Variants in WDHD1 observed in about 807,000 individuals in gnomAD.
The protein encoded by WDHD1 is WD repeat and HMG-box DNA-binding protein 1.
In WDHD1, 111 loss-of-function variants were observed where a neutral mutation model predicts 135.4. The ratio of observed to expected loss-of-function variants is 0.82; its 90% CI spans 0.70 to 0.96. The LOEUF (loss-of-function observed/expected upper bound fraction) is 0.96. Among genes scored for constraint, WDHD1 ranks in the 40% least tolerant of loss-of-function variants. The pLI is 0.00. For missense variants in WDHD1, 1,351 were observed against 1,336.3 expected (o/e 1.01, Z -0.17); for synonymous variants, 434 against 439.0 (o/e 0.99, Z 0.14).
In WDHD1 at chr14:55,005,730, C is replaced by T. The variant is rs1382366784; in HGVS notation, c.600+1550G>A. ...AAGTTACGATGGGAATCCAGAACAACATCATAAGGATCCTTCTCTGGGTAG... is the reference window on the plus strand; with the variant it reads ...AAGTTACGATGGGAATCCAGAACAATATCATAAGGATCCTTCTCTGGGTAG... On this transcript the variant is annotated intron_variant, in intron 7 of 25. Transcript: ENST00000360586. 18 of 439,096 alleles carry T rather than the reference C, an allele frequency of 4.1e-5. No homozygotes were observed. The East Asian group carries it at 8.7e-4, about 21-fold the overall frequency. 27.2% of individuals were successfully genotyped at this position (439,096 alleles called of 1,614,324 possible). A position where few individuals can be genotyped will look rare whatever the true frequency, so the allele number is the denominator to read the frequency against.
chr14:54,971,167 A>G (rs1044516853), intron 16 of WDHD1, among the ~76,000 whole-genome samples: 1 of 152,238 alleles, frequency 6.6e-6, no homozygotes, highest in African/African-American at 2.4e-5. Flanking sequence ...CCTTCAGGAT[A>G]TTGGCCTTGG....
chr14:54,979,006 CCTT>C (rs1379337238), intron 16 of WDHD1, among the ~76,000 whole-genome samples: 2 of 151,868 alleles, frequency 1.3e-5, no homozygotes, highest in Admixed American at 6.6e-5. Context: ...TTCATTGGCT[CCTT>C]CTTTTAAATT....
intron 22 of WDHD1, 110 bp from the exon 23 acceptor site, chr14:54,957,314 T>C (rs2041177027): frequency 8.4e-7 from 1 of 1,186,628 alleles, no homozygotes; most frequent in South Asian, 1.6e-5. Flanking sequence ...CATCTCATCT[T>C]TAGAACTAAA....
Position 54,962,534 on chromosome 14 carries a change from T to C in WDHD1, c.2665A>G (p.Lys889Glu), listed in dbSNP as rs200829692. 308 of 1,610,244 alleles carry C rather than the reference T, an allele frequency of 1.9e-4. No individual in the cohort carries two copies. The highest frequency in any genetic ancestry group is 3.9e-4 in the Admixed American group (23 of 59,322). The change falls in exon 21 of 26, where the codon AAA (lysine) becomes GAA (glutamate). Residue 889 changes from lysine (K) to glutamate (E), a missense_variant. By Grantham distance (56) the Lys-to-Glu change is moderately conservative. Coordinates refer to ENST00000360586, the MANE Select transcript of WDHD1 (RefSeq NM_007086.4). ...IHKPGQNSFS[K>E]STNSSDVSAK... Reference sequence around the variant, plus strand: ...GAAACATCAGAGGAATTTGTACTTTTGGAAAACGAGTTCTGTCCTACAGAT... The same window carrying C: ...GAAACATCAGAGGAATTTGTACTTTCGGAAAACGAGTTCTGTCCTACAGAT...
At position 55,005,083 on chromosome 14, in the gene WDHD1, G is replaced by A. The variant is rs183369768; in HGVS notation, c.600+2197C>T. 1,599 of 537,668 alleles carry A rather than the reference G, an allele frequency of 3.0e-3. 4 individuals carry two copies. Among genetic ancestry groups the A allele is most frequent in the Admixed American group, 4.2e-3 (212 of 50,780 alleles). 33.3% of individuals were successfully genotyped at this position (537,668 alleles called of 1,614,324 possible). A position where few individuals can be genotyped will look rare whatever the true frequency, so the allele number is the denominator to read the frequency against. ...TGCTCTTCTTTTTCAATCTCCTCAG[G>A]AACACTGTAGAAGTAGAGATCAGGC... On this transcript the variant is annotated intron_variant, in intron 7 of 25. Coordinates refer to ENST00000360586, the MANE Select transcript of WDHD1 (RefSeq NM_007086.4).
At chr14:55,010,610 T>A (rs1487344740) in intron 3 of WDHD1, 150 bp from the exon 4 acceptor site, 1 of 724,162 alleles carries the variant, frequency 1.4e-6, no homozygotes, top group Non-Finnish European at 2.0e-6. Context: ...ACAACTTTGC[T>A]GGAATGTGCA....
In WDHD1 at chr14:54,951,447, GGAA is replaced by G. The variant is rs570122331; in HGVS notation, c.3050+4111_3050+4113del. Among the ~76,000 whole-genome samples the G allele has an allele frequency of 4.5e-4, 69 of 152,180 alleles. No individual in the cohort carries two copies. The East Asian group carries it at 0.01, about 22-fold the overall frequency. ...CACACACCCTCCCAAGACTAAACGA[GGAA>G]GAAGTTCAATCTCTGAATAGACCAA... On this transcript the variant is annotated intron_variant, in intron 24 of 25. Coordinates refer to ENST00000360586, the MANE Select transcript of WDHD1 (RefSeq NM_007086.4).
chr14:54,990,366 G>A (rs139522683), intron 12 of WDHD1, among the ~76,000 whole-genome samples: 2,917 of 152,224 alleles, frequency 0.019, 71 homozygotes, highest in African/African-American at 0.058. Context: ...GGGAGGCCTA[G>A]GCAGGCGGAT....
At chr14:55,015,822 C>G (rs1208183421) in intron 2 of WDHD1, among the ~76,000 whole-genome samples, 5 of 152,114 alleles carry the variant, frequency 3.3e-5, no homozygotes. Flanking sequence ...CCTCAGCCTC[C>G]CAAGTAGCTG....
chr14:54,991,161 GA>G, intron 12 of WDHD1, 51 bp downstream of exon 12: 1 of 1,023,900 alleles, frequency 9.8e-7, no homozygotes, highest in South Asian at 1.6e-5. Context: ...ACTATAGTAA[GA>G]AAAAAGTGCT....
chr14:54,963,082 A>T lies in WDHD1; in HGVS notation c.2401T>A (p.Ser801Thr), dbSNP rs1223481479. 1 of 1,609,332 alleles carries T rather than the reference A, an allele frequency of 6.2e-7. No homozygotes were observed. The highest frequency in any genetic ancestry group is 8.5e-7 in the Non-Finnish European group (1 of 1,177,766). The change falls in exon 19 of 26, where the codon TCT becomes ACT. Residue 801 changes from serine (S) to threonine (T), a missense_variant. Ser to Thr is a moderately conservative substitution (Grantham distance 58, BLOSUM62 1). Transcript: ENST00000360586. ...GCCAGTATTAATTTCCGAGAGCGAG[A>T]AGCATATTTAATGGCTAAATTCACA... ...NAVNLAIKYASRSRKLILAQK... is the reference protein window; with the variant it reads ...NAVNLAIKYATRSRKLILAQK...
At chr14:55,008,254 G>A (rs1298232352) in intron 6 of WDHD1, 62 bp downstream of exon 6, 16 of 1,490,964 alleles carry the variant, frequency 1.1e-5, no homozygotes, top group Non-Finnish European at 1.4e-5. Context: ...CCAGTAATAC[G>A]ACATATAACA....
chr14:54,999,359 C>A (rs955382456), intron 10 of WDHD1, among the ~76,000 whole-genome samples: 1 of 152,166 alleles, frequency 6.6e-6, no homozygotes, highest in African/African-American at 2.4e-5. Flanking sequence ...TGGGGGAGGG[C>A]AGGTACCCAG....
Position 54,987,205 on chromosome 14 carries a change from G to A in WDHD1, c.1709C>T (p.Ala570Val), listed in dbSNP as rs1387496971. 1 of 1,614,132 alleles carries A rather than the reference G, an allele frequency of 6.2e-7. No homozygotes were observed. The highest frequency in any genetic ancestry group is 1.6e-4 in the Middle Eastern group (1 of 6,062). The change falls in exon 14 of 26, where the codon GCT becomes GTT. Residue 570 changes from alanine to valine, a missense_variant. Around this residue, in one of 2 missense-constraint regions of WDHD1, gnomAD observed 1,330 missense variants for 1,296.1 expected, o/e 1.03. Transcript: ENST00000360586. The stretch of plus-strand genomic sequence containing the variant: ...TCCTGCCATTGACACCACAGGTCCA[G>A]CAAGGCTGAATACCTCTTTTTGAAC... Reference protein sequence around the residue: ...GGVQKEVFSLAGPVVSMAGHG... With the variant: ...GGVQKEVFSLVGPVVSMAGHG...
chr14:54,955,561 C>T lies in WDHD1; in HGVS notation c.3050G>A (p.Arg1017Lys), dbSNP rs776329139. The change falls in exon 24 of 26, where the codon AGG becomes AAG. Residue 1017 changes from arginine (R) to lysine (K), a missense_variant and splice_region_variant. Arg to Lys is a conservative substitution (Grantham distance 26). Transcript: ENST00000360586. ...ATGCTAAATTTCTCTATGTACTGAC[C>T]TTTGGTTTTCAGTGTTTTGAGGAGG... The part of the protein sequence containing the change: ...ICPPQNTENQ[R>K]PKTGFQMWLE... 5.8e-6 allele frequency: 9 copies of T among 1,560,692 alleles called. No homozygotes were observed. Among genetic ancestry groups the T allele is most frequent in the Non-Finnish European group, 6.9e-6 (8 of 1,161,520 alleles).
At position 54,939,818 on chromosome 14, in the gene WDHD1, G is replaced by A. The variant is rs1398237699; in HGVS notation, c.*1672C>T. On this transcript the variant is annotated 3_prime_UTR_variant, in exon 26 of 26. Transcript: ENST00000360586. ...CACAGATTATATCCTTAAGCATTAG[G>A]TTGGCACAAAAGAAATCGCGGTTTT... 1 of 152,088 alleles carries A rather than the reference G, an allele frequency of 6.6e-6. No homozygotes were observed. Among genetic ancestry groups the A allele is most frequent in the Non-Finnish European group, 1.5e-5 (1 of 68,022 alleles). The allele number at this position is 152,088 out of a possible 1,614,324, so 9.4% of individuals were successfully genotyped here.
intron 24 of WDHD1, among the ~76,000 whole-genome samples, chr14:54,948,322 C>T (rs1461442967): frequency 1.3e-5 from 2 of 152,168 alleles, no homozygotes; most frequent in Non-Finnish European, 2.9e-5. Context: ...CTGTGACACA[C>T]AGCACCTGGA....
chr14:54,973,853 A>G (rs2041478798), intron 16 of WDHD1, among the ~76,000 whole-genome samples: 1 of 151,934 alleles, frequency 6.6e-6, no homozygotes, highest in Non-Finnish European at 1.5e-5. Flanking sequence ...ACTGAGTAGG[A>G]TTTTATTAAG....
intron 16 of WDHD1, among the ~76,000 whole-genome samples, chr14:54,970,367 T>C (rs1487978289): frequency 6.6e-6 from 1 of 152,078 alleles, no homozygotes; most frequent in East Asian, 1.9e-4. Context: ...ACACCAATAA[T>C]GTTCGAGCTG....
Sources: allele counts gnomAD v4.1 joint callset (sites outside exome capture counted in the v4.1 genomes callset), GRCh38; gene constraint gnomAD v4.1.1; regional missense constraint gnomAD v4.1.1; transcripts MANE v1.5; gene names NCBI Gene and HGNC (gene_info 2026-07-23, HGNC 2026-07-21).